Variants in SGCZ observed in about 807,000 individuals in gnomAD.
SGCZ encodes the protein sarcoglycan zeta.
Under a neutral mutation model 41.3 loss-of-function variants are expected in SGCZ, and 40 were observed. The observed-to-expected ratio is 0.97, with a 90% CI of 0.75 to 1.26. The LOEUF is 1.26. SGCZ is among the 50% of genes most tolerant of loss of function. The probability of loss-of-function intolerance (pLI) is 0.00; values close to 1 mark genes in which losing one functional copy is unlikely to be tolerated. For missense variants in SGCZ, 552 were observed against 369.8 expected (o/e 1.49, Z -4.04); for synonymous variants, 206 against 137.5 (o/e 1.50, Z -3.49).
chr8:14,904,504 T>C (rs1338554908), intron 1 of SGCZ, among the ~76,000 whole-genome samples: 1 of 152,054 alleles, frequency 6.6e-6, no homozygotes, highest in Non-Finnish European at 1.5e-5. Context: ...TTCTGTAAAC[T>C]AGAAGCATTT....
intron 5 of SGCZ, among the ~76,000 whole-genome samples, chr8:14,155,816 A>T (rs1803859620): frequency 6.6e-6 from 1 of 152,108 alleles, no homozygotes; most frequent in African/African-American, 2.4e-5. Context: ...GCCATTGTGC[A>T]AACATCACAG....
At chr8:15,125,410 C>T (rs1807643382) in intron 1 of SGCZ, among the ~76,000 whole-genome samples, 1 of 152,034 alleles carries the variant, frequency 6.6e-6, no homozygotes, top group South Asian at 2.1e-4. Context: ...GTGGTGAATT[C>T]CTCCTGGGAA....
At chr8:14,166,371 C>A (rs1031863177) in intron 4 of SGCZ, among the ~76,000 whole-genome samples, 1 of 152,082 alleles carries the variant, frequency 6.6e-6, no homozygotes, top group Non-Finnish European at 1.5e-5. Flanking sequence ...TTGTTCTAAT[C>A]ATAGTCTAAT....
intron 1 of SGCZ, among the ~76,000 whole-genome samples, chr8:14,827,332 G>A (rs1802368896): frequency 6.6e-6 from 1 of 150,900 alleles, no homozygotes; most frequent in Non-Finnish European, 1.5e-5. Flanking sequence ...TGTCTCCCAG[G>A]TTCAAGCGAT....
intron 1 of SGCZ, among the ~76,000 whole-genome samples, chr8:14,834,629 T>G (rs368996526): frequency 1.3e-5 from 2 of 152,328 alleles, no homozygotes; most frequent in South Asian, 2.1e-4. Context: ...GATGGCCTTT[T>G]TATGATCGCA....
intron 2 of SGCZ, among the ~76,000 whole-genome samples, chr8:14,366,272 C>G (rs1803704679): frequency 6.6e-6 from 1 of 152,116 alleles, no homozygotes; most frequent in Non-Finnish European, 1.5e-5. Context: ...AGGAAACTTA[C>G]AATCAGAGCA....
chr8:14,511,293 T>A (rs1802461565), intron 2 of SGCZ, among the ~76,000 whole-genome samples: 1 of 152,194 alleles, frequency 6.6e-6, no homozygotes, highest in Middle Eastern at 3.4e-3. Flanking sequence ...AAATTGTCTT[T>A]TTTTAAATCT....
In SGCZ at chr8:15,008,746, A is replaced by ACG. The variant is rs1802709135; in HGVS notation, c.39+228838_39+228839insCG. ...GGAGGAGGGGGGAGGAGGGAGGGGA[A>ACG]GAGGGGGGAGGAGGGAGGGACGGAG... On this transcript the variant is annotated intron_variant, in intron 1 of 7. Coordinates refer to ENST00000382080, the MANE Select transcript of SGCZ (RefSeq NM_139167.4). 6.0e-5 allele frequency among the ~76,000 whole-genome samples: 2 copies of ACG among 33,212 alleles called. 1 individual carries two copies. Among genetic ancestry groups the ACG allele is most frequent in the Non-Finnish European group, 1.1e-4 (2 of 18,362 alleles). The allele number at this position is 33,212 out of a possible 152,430, so 21.8% of individuals were successfully genotyped here. A position where few individuals can be genotyped will look rare whatever the true frequency, so the allele number is the denominator to read the frequency against.
chr8:15,058,036 G>A (rs981511510), intron 1 of SGCZ, among the ~76,000 whole-genome samples: 1 of 151,996 alleles, frequency 6.6e-6, no homozygotes. Flanking sequence ...TTAAAACAGT[G>A]AATAAAAGTA....
chr8:14,546,842 G>C (rs891303135), intron 2 of SGCZ, among the ~76,000 whole-genome samples: 4 of 152,016 alleles, frequency 2.6e-5, no homozygotes, highest in Non-Finnish European at 2.9e-5. Context: ...AATGAAATGC[G>C]GTGGAATCTC....
intron 1 of SGCZ, among the ~76,000 whole-genome samples, chr8:15,172,444 A>G (rs1408544212): frequency 1.3e-5 from 2 of 152,086 alleles, no homozygotes; most frequent in Non-Finnish European, 2.9e-5. Flanking sequence ...ATTTTTTATA[A>G]AATAGAAATC....
chr8:14,788,301 G>A (rs1157058383), intron 1 of SGCZ, among the ~76,000 whole-genome samples: 3 of 152,154 alleles, frequency 2.0e-5, no homozygotes, highest in Non-Finnish European at 4.4e-5. Context: ...GTGTGGAAAG[G>A]GCACTGAACA....
rs532255301 is a variant in SGCZ, at chr8:14,092,744, C to T, written c.745-2107G>A. Among the ~76,000 whole-genome samples the T allele has an allele frequency of 7.6e-4, 116 of 152,166 alleles. 1 individual carries two copies. Among genetic ancestry groups the T allele is most frequent in the Middle Eastern group, 3.4e-3 (1 of 294 alleles). ...TTTGCCTTCTGCCATGATGGTGAGG[C>T]CTCCCCAGCCTCGTGGAAGTGTGAA... On this transcript the variant is annotated intron_variant, in intron 7 of 7. Transcript: ENST00000382080.
chr8:14,883,868 A>G (rs1471763626), intron 1 of SGCZ, among the ~76,000 whole-genome samples: 1 of 150,870 alleles, frequency 6.6e-6, no homozygotes, highest in Non-Finnish European at 1.5e-5. Flanking sequence ...AAATATCATA[A>G]GCCTTGAAAA....
At chr8:14,900,712 C>T (rs189414238) in intron 1 of SGCZ, among the ~76,000 whole-genome samples, 115 of 152,250 alleles carry the variant, frequency 7.6e-4, no homozygotes, top group African/African-American at 2.3e-3. Context: ...TTGCAGTTTA[C>T]GAAATCTGAA....
At chr8:14,791,030 C>CAAAAAAAAAAG (rs1344804195) in intron 1 of SGCZ, among the ~76,000 whole-genome samples, 1 of 111,948 alleles carries the variant, frequency 8.9e-6, no homozygotes. Context: ...GACTCTGTCT[C>CAAAAAAAAAAG]AAAAAAAAAA....
At chr8:15,076,714 G>C (rs2131036953) in intron 1 of SGCZ, among the ~76,000 whole-genome samples, 1 of 149,622 alleles carries the variant, frequency 6.7e-6, no homozygotes, top group South Asian at 2.1e-4. Context: ...TATCCTGAAA[G>C]TACTTGAGTA....
Position 14,941,838 on chromosome 8 carries a change from T to C in SGCZ, c.39+295747A>G, listed in dbSNP as rs558013576. ...TATATGTTACATATATTGCATGTTA[T>C]ATATGTGTAAATATATGTACACCTT... On this transcript the variant is annotated intron_variant, in intron 1 of 7. Coordinates refer to ENST00000382080, the MANE Select transcript of SGCZ (RefSeq NM_139167.4). Among the ~76,000 whole-genome samples the C allele has an allele frequency of 1.8e-3, 278 of 151,560 alleles. 1 individual carries two copies. Among genetic ancestry groups the C allele is most frequent in the African/African-American group, 6.5e-3 (268 of 41,358 alleles).
At chr8:14,915,594 C>A (rs1020967173) in intron 1 of SGCZ, among the ~76,000 whole-genome samples, 10 of 152,114 alleles carry the variant, frequency 6.6e-5, no homozygotes, top group African/African-American at 2.4e-4. Context: ...TGGCACCGAT[C>A]AACTGGAAAG....
Sources: gnomAD v4.1 joint callset for allele counts (sites outside exome capture counted in the v4.1 genomes callset) on GRCh38, gnomAD v4.1.1 for gene constraint, MANE v1.5 for transcripts, NCBI Gene and HGNC (gene_info 2026-07-23, HGNC 2026-07-21) for gene names.